PCDH11X: variants seen among roughly 807,000 people sequenced by gnomAD.
PCDH11X encodes protocadherin 11 X-linked, also known as protocadherin-11 X-linked.
Under a neutral mutation model 53.3 loss-of-function variants are expected in PCDH11X, and 18 were observed. The ratio of observed to expected loss-of-function variants is 0.34; its 90% CI spans 0.23 to 0.50. PCDH11X has a LOEUF of 0.50. Ranked by LOEUF, PCDH11X falls within the 20% of genes least tolerant of loss-of-function variation. The pLI is 0.98. For synonymous variants in PCDH11X, 279 were observed against 393.3 expected (o/e 0.71, Z 3.44); for missense variants, 570 against 1,032.4 (o/e 0.55, Z 6.14).
chrX:91,954,895 T>A (rs1466813291), intron 6 of PCDH11X, among the ~76,000 whole-genome samples: 2 of 108,915 alleles, frequency 1.8e-5, no homozygotes, highest in African/African-American at 3.4e-5. Flanking sequence ...AAAAATTTTC[T>A]CCCCTTCTGT....
chrX:91,926,756 T>C (rs1217977534), intron 6 of PCDH11X, among the ~76,000 whole-genome samples: 1 of 111,248 alleles, frequency 9.0e-6, no homozygotes, highest in Non-Finnish European at 1.9e-5. Context: ...ATATAATGTA[T>C]AGTGATCAGA....
chrX:91,991,352 C>CTT (rs767822249), intron 6 of PCDH11X, among the ~76,000 whole-genome samples: 670 of 54,954 alleles, frequency 0.012, 13 homozygotes, highest in East Asian at 0.063. Context: ...TTAAGACTTT[C>CTT]TTTTTTTTTT....
intron 7 of PCDH11X, among the ~76,000 whole-genome samples, chrX:92,217,287 T>G (rs2066741375): frequency 9.0e-6 from 1 of 110,591 alleles, no homozygotes; most frequent in Non-Finnish European, 1.9e-5. Context: ...GACCCATTAG[T>G]GTGCTGTATT....
At chrX:92,384,071 G>A (rs1215100942) in intron 8 of PCDH11X, among the ~76,000 whole-genome samples, 1 of 112,002 alleles carries the variant, frequency 8.9e-6, no homozygotes, top group Non-Finnish European at 1.9e-5. Flanking sequence ...TTTCTCTAAC[G>A]ACCATTGATG....
chrX:91,889,847 G>T (rs1940395509), intron 6 of PCDH11X, among the ~76,000 whole-genome samples: 1 of 110,832 alleles, frequency 9.0e-6, no homozygotes, highest in South Asian at 3.8e-4. Flanking sequence ...ATAGAAAAAA[G>T]AGTTTTACAT....
chrX:91,840,156 T>C (rs1203516014), intron 5 of PCDH11X, among the ~76,000 whole-genome samples: 2 of 111,491 alleles, frequency 1.8e-5, no homozygotes, highest in African/African-American at 6.5e-5. Flanking sequence ...TTCCTTCTTT[T>C]CTCATGGTAG....
intron 10 of PCDH11X, among the ~76,000 whole-genome samples, chrX:92,549,660 A>G (rs1327499496): frequency 1.9e-5 from 2 of 106,506 alleles, no homozygotes; most frequent in Non-Finnish European, 3.9e-5. Context: ...TGATTTATTT[A>G]ATCTCTCCCT....
chrX:92,499,636 C>CAAAAAAA (rs57761605), intron 10 of PCDH11X, among the ~76,000 whole-genome samples: 8 of 17,277 alleles, frequency 4.6e-4, no homozygotes, highest in Non-Finnish European at 4.6e-4. Flanking sequence ...CCTGTCTCTA[C>CAAAAAAA]AAAAAAAAAA....
At chrX:91,799,235 T>C (rs1242070132) in intron 1 of PCDH11X, among the ~76,000 whole-genome samples, 1 of 110,945 alleles carries the variant, frequency 9.0e-6, no homozygotes, top group Non-Finnish European at 1.9e-5. Flanking sequence ...ACACAAATCT[T>C]TTTTTTCACT....
intron 8 of PCDH11X, among the ~76,000 whole-genome samples, chrX:92,385,797 A>G (rs2070999424): frequency 9.0e-6 from 1 of 111,401 alleles, no homozygotes; most frequent in South Asian, 3.7e-4. Flanking sequence ...ATTCCAACCT[A>G]GATGACAGAA....
chrX:91,812,465 C>A (rs184505812), intron 4 of PCDH11X, among the ~76,000 whole-genome samples: 60 of 111,076 alleles, frequency 5.4e-4, no homozygotes, highest in African/African-American at 1.9e-3. Flanking sequence ...CTCCCTCTAC[C>A]TTTCATTCCT....
intron 8 of PCDH11X, among the ~76,000 whole-genome samples, chrX:92,280,448 T>A (rs1389673792): frequency 9.1e-6 from 1 of 109,352 alleles, no homozygotes; most frequent in Non-Finnish European, 1.9e-5. Context: ...CTCAGGAGGC[T>A]GTGGTGGAGG....
intron 4 of PCDH11X, among the ~76,000 whole-genome samples, chrX:91,832,499 G>C (rs61028798): frequency 1.2e-5 from 1 of 83,771 alleles, no homozygotes; most frequent in African/African-American, 4.4e-5. Flanking sequence ...GTTGTGGGGT[G>C]GGGGGAGGGG....
chrX:92,572,278 C>T (rs1036418658), intron 10 of PCDH11X, among the ~76,000 whole-genome samples: 12 of 110,478 alleles, frequency 1.1e-4, no homozygotes, highest in Admixed American at 2.9e-4. Context: ...TTAGTAGGCA[C>T]GTCTTATGTA....
In PCDH11X at chrX:91,847,341, A is replaced by AT. The variant is rs781113321; in HGVS notation, c.540+11303dup. Among the ~76,000 whole-genome samples the AT allele has an allele frequency of 3.6e-5, 4 of 110,700 alleles. No homozygotes were observed. The South Asian group carries it at 1.2e-3, about 32-fold the overall frequency. ...CTACCAGGCCCAACGTTTTTTGTAC[A>AT]TTTTTTAATATGTATTTTATCCTCT... is the stretch of plus-strand genomic sequence containing the variant. On this transcript the variant is annotated intron_variant, in intron 5 of 10. Transcript: ENST00000682573.
At chrX:91,836,563 G>A (rs1458921634) in intron 5 of PCDH11X, among the ~76,000 whole-genome samples, 5 of 110,148 alleles carry the variant, frequency 4.5e-5, no homozygotes, top group Non-Finnish European at 9.4e-5. Context: ...TATTTTTCAT[G>A]AGGATTTCAA....
chrX:92,235,970 C>T (rs1293323372), intron 7 of PCDH11X, among the ~76,000 whole-genome samples: 2 of 111,159 alleles, frequency 1.8e-5, no homozygotes, highest in African/African-American at 6.5e-5. Flanking sequence ...TAATCAACTA[C>T]CACCACATTA....
At chrX:92,096,370 A>C (rs1243247926) in intron 6 of PCDH11X, among the ~76,000 whole-genome samples, 3 of 109,735 alleles carry the variant, frequency 2.7e-5, no homozygotes, top group Non-Finnish European at 5.7e-5. Context: ...CAGGGGGACT[A>C]TGTAAGAGGA....
chrX:92,133,442 C>T (rs1227265297), intron 6 of PCDH11X, among the ~76,000 whole-genome samples: 2 of 111,645 alleles, frequency 1.8e-5, no homozygotes, highest in Non-Finnish European at 3.8e-5. Flanking sequence ...CCTCAGCTCA[C>T]CACAACCTCT....
Sources: gnomAD v4.1 joint callset for allele counts (sites outside exome capture counted in the v4.1 genomes callset) on GRCh38, gnomAD v4.1.1 for gene constraint, MANE v1.5 for transcripts, NCBI Gene and HGNC (gene_info 2026-07-23, HGNC 2026-07-21) for gene names.